The following SNTG2 variants were observed in gnomAD, a reference collection of about 807,000 sequenced individuals.
The protein encoded by SNTG2 is syntrophin gamma 2, also known as gamma-2-syntrophin.
In SNTG2, 74 loss-of-function variants were observed where a neutral mutation model predicts 70.9. That is an observed-to-expected ratio of 1.04 (90% CI 0.86 to 1.27). The LOEUF is 1.27. Among genes scored for constraint, SNTG2 ranks in the 50% most tolerant of loss-of-function variants. The pLI is 0.00. For missense variants in SNTG2, 717 were observed against 690.7 expected, an observed-to-expected ratio of 1.04 and a Z score of -0.43; for synonymous variants, 278 against 273.8, an observed-to-expected ratio of 1.02 and a Z score of -0.15.
At chr2:1,323,068 G>T (rs763004375) in intron 16 of SNTG2, among the ~76,000 whole-genome samples, 2 of 152,144 alleles carry the variant, frequency 1.3e-5, no homozygotes, top group Non-Finnish European at 2.9e-5. Context: ...AGAAAATTTT[G>T]ACCAAAAGAA....
chr2:1,304,462 C>T (rs569520826), intron 14 of SNTG2, among the ~76,000 whole-genome samples: 221 of 152,274 alleles, frequency 1.5e-3, no homozygotes, highest in African/African-American at 4.9e-3. Context: ...TGCGGTGGCT[C>T]ATGCCTGTAA....
intron 2 of SNTG2, among the ~76,000 whole-genome samples, chr2:1,085,533 GTT>G (rs1182303121): frequency 1.3e-5 from 2 of 152,192 alleles, no homozygotes; most frequent in African/African-American, 4.8e-5. Flanking sequence ...TGTGTGTTTT[GTT>G]TTCTTGAACC....
intron 1 of SNTG2, among the ~76,000 whole-genome samples, chr2:970,161 C>T (rs2147955034): frequency 6.6e-6 from 1 of 152,248 alleles, no homozygotes; most frequent in African/African-American, 2.4e-5. Flanking sequence ...TGATGAATTA[C>T]ATTTATTTGT....
At chr2:1,176,758 C>T (rs1349943229) in intron 8 of SNTG2, among the ~76,000 whole-genome samples, 1 of 152,004 alleles carries the variant, frequency 6.6e-6, no homozygotes, top group East Asian at 1.9e-4. Context: ...ATCACTGATC[C>T]CCAGAGAAAT....
intron 16 of SNTG2, among the ~76,000 whole-genome samples, chr2:1,337,022 T>C (rs1208657549): frequency 2.6e-5 from 4 of 152,216 alleles, no homozygotes; most frequent in Non-Finnish European, 5.9e-5. Flanking sequence ...AGGGATTGCA[T>C]TGAATCTATA....
intron 14 of SNTG2, among the ~76,000 whole-genome samples, chr2:1,294,359 G>T (rs139147088): frequency 1.5e-3 from 236 of 152,282 alleles, no homozygotes; most frequent in African/African-American, 5.2e-3. Context: ...GCAGCTTTGA[G>T]AATTTCATCT....
chr2:1,048,537 A>T (rs1273220411), intron 1 of SNTG2, among the ~76,000 whole-genome samples: 1 of 152,158 alleles, frequency 6.6e-6, no homozygotes, highest in Non-Finnish European at 1.5e-5. Flanking sequence ...TGTATATTGT[A>T]TTCGCTGTGT....
chr2:986,925 A>G (rs979624270), intron 1 of SNTG2, among the ~76,000 whole-genome samples: 9 of 152,266 alleles, frequency 5.9e-5, no homozygotes, highest in Non-Finnish European at 8.8e-5. Context: ...TAAAATGGGA[A>G]TACTTGCAGC....
chr2:1,027,237 C>T (rs1283425995), intron 1 of SNTG2, among the ~76,000 whole-genome samples: 1 of 152,212 alleles, frequency 6.6e-6, no homozygotes, highest in Non-Finnish European at 1.5e-5. Context: ...CAGCAAGTAA[C>T]TCATGCATCT....
chr2:1,105,050 C>G (rs1468148355), intron 4 of SNTG2, among the ~76,000 whole-genome samples: 1 of 152,172 alleles, frequency 6.6e-6, no homozygotes, highest in Non-Finnish European at 1.5e-5. Flanking sequence ...CCAAGTTCAC[C>G]CTCAGAAAGG....
chr2:951,056 G>C lies in SNTG2; in HGVS notation c.60G>C (p.Leu20=). Reference sequence around the variant, plus strand: ...CCCGCGGACGCCAGGGCTGCCTGCTGGTACCTGCGCGGGTGAGTGCGGCCC... The same window carrying C: ...CCCGCGGACGCCAGGGCTGCCTGCTCGTACCTGCGCGGGTGAGTGCGGCCC... ...AASRGRQGCL[L]VPARTKTTIA... The change falls in exon 1 of 17, where the codon CTG becomes CTC. Residue 20 remains leucine, a synonymous_variant. Coordinates refer to ENST00000308624, the MANE Select transcript of SNTG2 (RefSeq NM_018968.4). The C allele has an allele frequency of 7.9e-7, 1 of 1,272,642 alleles. No individual in the cohort carries two copies. The highest frequency in any genetic ancestry group is 9.9e-7 in the Non-Finnish European group (1 of 1,012,186). 78.8% of individuals were successfully genotyped at this position (1,272,642 alleles called of 1,614,324 possible). A position where few individuals can be genotyped will look rare whatever the true frequency, so the allele number is the denominator to read the frequency against.
At chr2:1,137,921 G>T (rs1490655400) in intron 6 of SNTG2, 112 bp downstream of exon 6, 6 of 1,072,542 alleles carry the variant, frequency 5.6e-6, no homozygotes, top group African/African-American at 1.6e-5. Context: ...GTTAGAATTG[G>T]AAAGAAAGCT....
intron 9 of SNTG2, among the ~76,000 whole-genome samples, chr2:1,233,754 T>G (rs1436211058): frequency 6.6e-6 from 1 of 152,252 alleles, no homozygotes; most frequent in Non-Finnish European, 1.5e-5. Flanking sequence ...ATAAGTCTAT[T>G]TTCAGTTTTC....
intron 15 of SNTG2, 73 bp from the exon 16 acceptor site, chr2:1,316,192 A>T (rs1032800063): frequency 1.2e-5 from 8 of 690,112 alleles, no homozygotes; most frequent in Non-Finnish European, 2.0e-5. Flanking sequence ...AGGCTGTTTA[A>T]TGTAGTAACA....
Position 1,166,519 on chromosome 2 carries a change from G to A in SNTG2, c.499+884G>A, listed in dbSNP as rs376579875. Among the ~76,000 whole-genome samples, 99 of 152,170 alleles carry A rather than the reference G, an allele frequency of 6.5e-4. No homozygotes were observed. In the Middle Eastern group the frequency reaches 0.01, roughly 16 times the overall value. On this transcript the variant is annotated intron_variant, in intron 7 of 16. Transcript: ENST00000308624. ...ATTGTCAATGCCTTCCTTCTCTCCTGCCCCGAGTGGCCCGGCTGTAGCTCT... is the reference window on the plus strand; with the variant it reads ...ATTGTCAATGCCTTCCTTCTCTCCTACCCCGAGTGGCCCGGCTGTAGCTCT...
intron 1 of SNTG2, among the ~76,000 whole-genome samples, chr2:1,018,787 T>C (rs1659996109): frequency 6.6e-6 from 1 of 152,200 alleles, no homozygotes; most frequent in Non-Finnish European, 1.5e-5. Context: ...TTTTGTAAAA[T>C]GTTGGCAAAG....
At chr2:1,072,437 C>G (rs1003018218) in intron 1 of SNTG2, among the ~76,000 whole-genome samples, 16 of 144,256 alleles carry the variant, frequency 1.1e-4, no homozygotes, top group African/African-American at 3.8e-4. Context: ...TAAATAAAAC[C>G]ACAAAGACTG....
intron 6 of SNTG2, among the ~76,000 whole-genome samples, chr2:1,158,869 G>A (rs1670077998): frequency 6.6e-6 from 1 of 152,176 alleles, no homozygotes; most frequent in African/African-American, 2.4e-5. Flanking sequence ...AGACAGGAAT[G>A]GTAGTTGGGT....
At chr2:1,301,032 T>C (rs1290461750) in intron 14 of SNTG2, among the ~76,000 whole-genome samples, 1 of 152,010 alleles carries the variant, frequency 6.6e-6, no homozygotes, top group Non-Finnish European at 1.5e-5. Flanking sequence ...CGAGAGGAAA[T>C]TCTCCACCGA....
Sources: gnomAD v4.1 joint callset for allele counts (sites outside exome capture counted in the v4.1 genomes callset) on GRCh38, gnomAD v4.1.1 for gene constraint, MANE v1.5 for transcripts, NCBI Gene and HGNC (gene_info 2026-07-23, HGNC 2026-07-21) for gene names.